Variants in GPAT4 observed in about 807,000 individuals in gnomAD.
GPAT4 encodes the protein 1-AGP acyltransferase 6.
A neutral mutation model predicts 58.0 loss-of-function variants in GPAT4; 17 were observed. The ratio of observed to expected loss-of-function variants is 0.29; its 90% CI spans 0.20 to 0.44. GPAT4 has a LOEUF of 0.44. GPAT4 is among the 20% of genes least tolerant of loss of function. The pLI is 1.00. For missense variants in GPAT4, 377 were observed against 574.5 expected (o/e 0.66, Z 3.51); for synonymous variants, 204 against 210.1 (o/e 0.97, Z 0.25).
intron 9 of GPAT4, among the ~76,000 whole-genome samples, 170 bp from the exon 10 acceptor site, chr8:41,614,793 C>G (rs1362932340): frequency 6.6e-6 from 1 of 152,174 alleles, no homozygotes; most frequent in Non-Finnish European, 1.5e-5. Flanking sequence ...GAGGCACCAT[C>G]TTGCCTGTCT....
chr8:41,607,977 TC>T, intron 2 of GPAT4, among the ~76,000 whole-genome samples: 1 of 152,346 alleles, frequency 6.6e-6, no homozygotes, highest in Middle Eastern at 3.4e-3. Context: ...CTTCTCTAGT[TC>T]CAGGAAACCA....
Position 41,611,903 on chromosome 8 carries a change from G to A in GPAT4, c.612G>A (p.Arg204=), listed in dbSNP as rs767946041. 5 of 1,614,138 alleles carry A rather than the reference G, an allele frequency of 3.1e-6. No homozygotes were observed. Among genetic ancestry groups the A allele is most frequent in the East Asian group, 2.2e-5 (1 of 44,890 alleles). Residue 204 remains arginine, a splice_region_variant and synonymous_variant, in exon 6 of 13, where the codon AGG becomes AGA. Transcript: ENST00000396987. Reference sequence around the variant, plus strand: ...CAGAATCCTTGTCCTGTTATTGCAGGTTTAAGGAGTTCATGAGTAAACATG... The same window carrying A: ...CAGAATCCTTGTCCTGTTATTGCAGATTTAAGGAGTTCATGAGTAAACATG... ...TTVVGYLPNG[R]FKEFMSKHVH... is the part of the protein sequence containing the mutation.
At chr8:41,610,212 G>A in intron 4 of GPAT4, 1 of 1,346,842 alleles carries the variant, frequency 7.4e-7, no homozygotes, top group Non-Finnish European at 9.5e-7. Flanking sequence ...CACAGGGACA[G>A]GGAACATTGT....
chr8:41,604,266 C>A (rs1052706245), intron 2 of GPAT4, among the ~76,000 whole-genome samples: 1 of 152,182 alleles, frequency 6.6e-6, no homozygotes, highest in African/African-American at 2.4e-5. Context: ...TAAGCTAGCC[C>A]TGGCTTACAG....
intron 2 of GPAT4, among the ~76,000 whole-genome samples, chr8:41,601,831 T>G (rs2150494427): frequency 6.6e-6 from 1 of 152,396 alleles, no homozygotes; most frequent in East Asian, 1.9e-4. Flanking sequence ...TTAATGTAGA[T>G]TATGATACAA....
intron 4 of GPAT4, 181 bp downstream of exon 4, chr8:41,610,136 C>G (rs1350761093): frequency 1.4e-6 from 2 of 1,414,150 alleles, no homozygotes; most frequent in Non-Finnish European, 1.8e-6. Flanking sequence ...CCCTTGGATT[C>G]TCTGCATATC....
chr8:41,620,269 G>A (rs563593229), intron 12 of GPAT4, among the ~76,000 whole-genome samples: 5 of 152,274 alleles, frequency 3.3e-5, no homozygotes, highest in African/African-American at 1.2e-4. Flanking sequence ...CAATGGGACT[G>A]TAATGAAACA....
chr8:41,605,000 G>A (rs1178043570), intron 2 of GPAT4, among the ~76,000 whole-genome samples: 1 of 152,186 alleles, frequency 6.6e-6, no homozygotes, highest in Non-Finnish European at 1.5e-5. Flanking sequence ...ATAGCCTTGA[G>A]TAGGTTAAAG....
intron 1 of GPAT4, among the ~76,000 whole-genome samples, chr8:41,595,112 TTAA>T (rs1490400751): frequency 6.6e-6 from 1 of 151,786 alleles, no homozygotes; most frequent in African/African-American, 2.4e-5. Flanking sequence ...TCCTTTGCTA[TTAA>T]TAAGACCTTG....
intron 12 of GPAT4, 153 bp downstream of exon 12, chr8:41,619,130 G>T: frequency 1.1e-6 from 1 of 902,194 alleles, no homozygotes; most frequent in Non-Finnish European, 1.7e-6. Context: ...ACCCAGAAGT[G>T]CCCTGTGCTT....
In GPAT4 at chr8:41,621,355, C is replaced by G. The variant is rs1237646755; in HGVS notation, c.*354C>G. Reference sequence around the variant, plus strand: ...GGCCATGGTCTTGTGCTAGAGATGGCGGTACAAGAGTCTGTTATGCAAGCC... The same window carrying G: ...GGCCATGGTCTTGTGCTAGAGATGGGGGTACAAGAGTCTGTTATGCAAGCC... On this transcript the variant is annotated 3_prime_UTR_variant, in exon 13 of 13. Coordinates refer to ENST00000396987, the MANE Select transcript of GPAT4 (RefSeq NM_178819.4). The G allele has an allele frequency of 4.0e-6, 1 of 247,076 alleles. No individual in the cohort carries two copies. The highest frequency in any genetic ancestry group is 2.2e-5 in the African/African-American group (1 of 44,930). The allele number at this position is 247,076 out of a possible 1,614,324, so 15.3% of individuals were successfully genotyped here. A position where few individuals can be genotyped will look rare whatever the true frequency, so the allele number is the denominator to read the frequency against.
At position 41,596,146 on chromosome 8, in the gene GPAT4, C is replaced by T. The variant is rs184751755; in HGVS notation, c.-848-2146C>T. On this transcript the variant is annotated intron_variant, in intron 1 of 12. Transcript: ENST00000396987. ...AGTTTTCCTGGTATCATAGTAATGC[C>T]GTAATCTCCCTTCAGTCCTTTCTTG... 3.1e-3 allele frequency among the ~76,000 whole-genome samples: 476 copies of T among 152,158 alleles called. 3 individuals carry two copies. Among genetic ancestry groups the T allele is most frequent in the Middle Eastern group, 3.4e-3 (1 of 294 alleles).
intron 2 of GPAT4, among the ~76,000 whole-genome samples, chr8:41,601,796 T>G (rs1368694555): frequency 6.6e-6 from 1 of 152,260 alleles, no homozygotes; most frequent in Admixed American, 6.5e-5. Context: ...GTGACTATTA[T>G]TTAAAATGTA....
At chr8:41,593,923 T>A (rs2150487927) in intron 1 of GPAT4, among the ~76,000 whole-genome samples, 1 of 152,332 alleles carries the variant, frequency 6.6e-6, no homozygotes, top group Non-Finnish European at 1.5e-5. Context: ...TATTAGTTTT[T>A]AGAACAAAGA....
rs955703017 is a variant in GPAT4 at position 41,622,526 on chromosome 8, G to C, written c.*1525G>C. 2 of 152,324 alleles carry C rather than the reference G, an allele frequency of 1.3e-5. No homozygotes were observed. Among genetic ancestry groups the C allele is most frequent in the African/African-American group, 4.8e-5 (2 of 41,454 alleles). 9.4% of individuals were successfully genotyped at this position (152,324 alleles called of 1,614,324 possible). ...CCTCACTTGGGACCCATGCTCCCTC[G>C]TGGCACAGTCATGATGCCTCTCAGG... On this transcript the variant is annotated 3_prime_UTR_variant, in exon 13 of 13. Coordinates refer to ENST00000396987, the MANE Select transcript of GPAT4 (RefSeq NM_178819.4).
chr8:41,581,773 C>T lies in GPAT4; in HGVS notation c.-849+3495C>T, dbSNP rs1224730671. 1.2e-4 allele frequency among the ~76,000 whole-genome samples: 18 copies of T among 151,418 alleles called. 1 individual carries two copies. The South Asian group carries it at 2.7e-3, about 23-fold the overall frequency. ...CCTCCTCAGTAGCTGGGATTACAGGCGCCTGCCACCACGCCCGGCTAATTT... is the reference window on the plus strand; with the variant it reads ...CCTCCTCAGTAGCTGGGATTACAGGTGCCTGCCACCACGCCCGGCTAATTT... On this transcript the variant is annotated intron_variant, in intron 1 of 12. Coordinates refer to ENST00000396987, the MANE Select transcript of GPAT4 (RefSeq NM_178819.4).
rs772254536 is a variant in GPAT4 at position 41,621,596 on chromosome 8, A to G, written c.*595A>G. ...GTTACTAAAGGGAGGGGAAGAGGCC[A>G]GGTGGGCCGCTGACTGGGCCATGGG... On this transcript the variant is annotated 3_prime_UTR_variant, in exon 13 of 13. Coordinates refer to ENST00000396987, the MANE Select transcript of GPAT4 (RefSeq NM_178819.4). 1 of 153,100 alleles carries G rather than the reference A, an allele frequency of 6.5e-6. No homozygotes were observed. Among genetic ancestry groups the G allele is most frequent in the Non-Finnish European group, 1.5e-5 (1 of 68,688 alleles). The allele number at this position is 153,100 out of a possible 1,614,324, so 9.5% of individuals were successfully genotyped here. A position where few individuals can be genotyped will look rare whatever the true frequency, so the allele number is the denominator to read the frequency against.
intron 1 of GPAT4, among the ~76,000 whole-genome samples, chr8:41,582,502 G>C (rs573171754): frequency 6.0e-5 from 9 of 151,236 alleles, no homozygotes; most frequent in African/African-American, 1.9e-4. Context: ...TTTGCCAGTT[G>C]AAGATACATT....
intron 2 of GPAT4, among the ~76,000 whole-genome samples, chr8:41,602,878 C>T (rs1803143521): frequency 6.6e-6 from 1 of 152,132 alleles, no homozygotes; most frequent in Non-Finnish European, 1.5e-5. Flanking sequence ...TCTGTCTTCT[C>T]TCTGTGCCCT....
Sources: gnomAD v4.1 joint callset for allele counts (sites outside exome capture counted in the v4.1 genomes callset) on GRCh38, gnomAD v4.1.1 for gene constraint, MANE v1.5 for transcripts, NCBI Gene and HGNC (gene_info 2026-07-23, HGNC 2026-07-21) for gene names.